The following VIPR2 variants were observed in gnomAD, a reference collection of about 807,000 sequenced individuals.
The protein encoded by VIPR2 is vasoactive intestinal polypeptide receptor 2.
Under a neutral mutation model 58.0 loss-of-function variants are expected in VIPR2, and 48 were observed. The ratio of observed to expected loss-of-function variants is 0.83; its 90% CI spans 0.66 to 1.05. The LOEUF (loss-of-function observed/expected upper bound fraction) is 1.05, where lower values mean the gene tolerates loss of function less well. VIPR2 is among the 50% of genes least tolerant of loss of function. The probability of loss-of-function intolerance (pLI) is 0.00; values close to 1 mark genes in which losing one functional copy is unlikely to be tolerated. For missense variants in VIPR2, 534 were observed against 558.0 expected, an observed-to-expected ratio of 0.96 and a Z score of 0.43; for synonymous variants, 243 against 235.2, an observed-to-expected ratio of 1.03 and a Z score of -0.30.
chr7:159,043,223 G>C (rs1378639843), intron 5 of VIPR2, 47 bp from the exon 6 acceptor site: 1 of 1,498,798 alleles, frequency 6.7e-7, no homozygotes, highest in South Asian at 1.2e-5. Flanking sequence ...GGGAAGGGGA[G>C]GGAGGGAGAG....
At chr7:159,112,841 G>A (rs368419008) in intron 2 of VIPR2, among the ~76,000 whole-genome samples, 17 of 148,882 alleles carry the variant, frequency 1.1e-4, no homozygotes, top group African/African-American at 4.4e-4. Context: ...CGCCTACCTG[G>A]GACCGACCCT....
At chr7:159,053,872 A>G (rs1171223166) in intron 5 of VIPR2, among the ~76,000 whole-genome samples, 1 of 152,262 alleles carries the variant, frequency 6.6e-6, no homozygotes, top group African/African-American at 2.4e-5. Context: ...GGCAATTGAC[A>G]TTAAAAGTTT....
rs535840731 is a variant in VIPR2 at position 159,045,057 on chromosome 7, C to G, written c.456-1881G>C. On this transcript the variant is annotated intron_variant, in intron 5 of 12. Coordinates refer to ENST00000262178, the MANE Select transcript of VIPR2 (RefSeq NM_003382.5). ...AAGTGCTGGGATTACAGGTGTGAGC[C>G]ACCGCACCTGGCCTAGGTTTGAGCA... Among the ~76,000 whole-genome samples the G allele has an allele frequency of 3.3e-5, 5 of 152,294 alleles. No individual in the cohort carries two copies. In the East Asian group the frequency reaches 5.8e-4, roughly 18 times the overall value.
intron 3 of VIPR2, among the ~76,000 whole-genome samples, chr7:159,105,686 AGGGTCTGGGG>A (rs1270353589): frequency 4.6e-5 from 7 of 151,790 alleles, no homozygotes; most frequent in Non-Finnish European, 5.9e-5. Context: ...GAGCCCCAGC[AGGGTCTGGGG>A]GCCTCTTAGC....
chr7:159,139,510 A>T (rs1457244318), intron 2 of VIPR2, among the ~76,000 whole-genome samples: 1 of 152,218 alleles, frequency 6.6e-6, no homozygotes, highest in South Asian at 2.1e-4. Flanking sequence ...GTTAGCCTGC[A>T]AGTGGGGAAT....
At chr7:159,048,924 A>AG (rs1854812020) in intron 5 of VIPR2, among the ~76,000 whole-genome samples, 1 of 152,152 alleles carries the variant, frequency 6.6e-6, no homozygotes, top group South Asian at 2.1e-4. Flanking sequence ...CACTTGTTCA[A>AG]GGCATGGAGG....
intron 2 of VIPR2, among the ~76,000 whole-genome samples, chr7:159,141,485 T>C (rs1402507426): frequency 6.6e-6 from 1 of 152,268 alleles, no homozygotes; most frequent in Non-Finnish European, 1.5e-5. Context: ...CTGTGGCTAC[T>C]GGACCTTGAA....
In VIPR2 at chr7:159,034,433, G is replaced by GT. The variant is rs1370901897; in HGVS notation, c.880-130_880-129insA. The GT allele has an allele frequency of 3.2e-6, 4 of 1,266,866 alleles. No homozygotes were observed. The African/African-American group carries it at 5.9e-5, about 19-fold the overall frequency. The allele number at this position is 1,266,866 out of a possible 1,614,324, so 78.5% of individuals were successfully genotyped here. ...TCCTTCCCTGGGAACTGCCTCTGGGGGTCCACATGCCTGAAGAGGTCCTTT... is the reference window on the plus strand; with the variant it reads ...TCCTTCCCTGGGAACTGCCTCTGGGGTGTCCACATGCCTGAAGAGGTCCTTT... On this transcript the variant is annotated intron_variant, in intron 9 of 12. Transcript: ENST00000262178.
At chr7:159,084,744 G>A (rs1857086000) in intron 4 of VIPR2, among the ~76,000 whole-genome samples, 1 of 152,212 alleles carries the variant, frequency 6.6e-6, no homozygotes, top group Admixed American at 6.5e-5. Flanking sequence ...GTACAGGGAG[G>A]ATTTCGGGGC....
rs566564823 is a variant in VIPR2 at position 159,120,248 on chromosome 7, T to C, written c.152-10329A>G. On this transcript the variant is annotated intron_variant, in intron 2 of 12. Coordinates refer to ENST00000262178, the MANE Select transcript of VIPR2 (RefSeq NM_003382.5). ...CACTGTATTTGTCATTCTCCTCACC[T>C]GTCTCTTAAATAAGGAGCAGCCTTC... 4.1e-4 allele frequency among the ~76,000 whole-genome samples: 63 copies of C among 152,350 alleles called. 1 individual carries two copies. Among genetic ancestry groups the C allele is most frequent in the South Asian group, 3.1e-3 (15 of 4,832 alleles).
chr7:159,130,783 C>A (rs1376325499), intron 2 of VIPR2, among the ~76,000 whole-genome samples: 1 of 152,162 alleles, frequency 6.6e-6, no homozygotes, highest in African/African-American at 2.4e-5. Context: ...CAGGAAGAAC[C>A]CATCAGGTGG....
rs1857980379 is a variant in VIPR2 at position 159,098,183 on chromosome 7, G to C, written c.357+5574C>G. ...CCATCCATCAGCACAGAAGAGTTGT[G>C]ATGGGATGAAGGGCAGGGCAGGGCA... On this transcript the variant is annotated intron_variant, in intron 4 of 12. Coordinates refer to ENST00000262178, the MANE Select transcript of VIPR2 (RefSeq NM_003382.5). The surrounding 1 kb of genome is among the most constrained non-coding windows in gnomAD (Gnocchi z 5.2). Among the ~76,000 whole-genome samples the C allele has an allele frequency of 6.6e-6, 1 of 152,220 alleles. No homozygotes were observed. Among genetic ancestry groups the C allele is most frequent in the African/African-American group, 2.4e-5 (1 of 41,456 alleles).
At chr7:159,109,745 T>G in intron 3 of VIPR2, 67 bp downstream of exon 3, 1 of 1,440,574 alleles carries the variant, frequency 6.9e-7, no homozygotes, top group Non-Finnish European at 9.8e-7. Context: ...GCTTCTTGGA[T>G]GGAAAAAATG....
rs568908306 is a variant in VIPR2 at position 159,096,852 on chromosome 7, G to T, written c.357+6905C>A. On this transcript the variant is annotated intron_variant, in intron 4 of 12. Transcript: ENST00000262178. This position sits in a 1 kb window ranked among gnomAD's most constrained non-coding sequence, Gnocchi z 5.5. Reference sequence around the variant, plus strand: ...CGGCCCACCTCGGGATGCTTCCGCCGTACTGTGTCCATGGCTGAGACCACC... The same window carrying T: ...CGGCCCACCTCGGGATGCTTCCGCCTTACTGTGTCCATGGCTGAGACCACC... 6.5e-7 allele frequency: 1 copy of T among 1,531,168 alleles called. No homozygotes were observed. The highest frequency in any genetic ancestry group is 2.5e-5 in the East Asian group (1 of 40,520). 94.8% of individuals were successfully genotyped at this position (1,531,168 alleles called of 1,614,324 possible). A position where few individuals can be genotyped will look rare whatever the true frequency, so the allele number is the denominator to read the frequency against.
chr7:159,036,488 C>G (rs1008004456), intron 7 of VIPR2, among the ~76,000 whole-genome samples: 3 of 152,060 alleles, frequency 2.0e-5, no homozygotes, highest in Admixed American at 1.3e-4. Context: ...AGGAGGAAAC[C>G]GTTTTGTTAC....
chr7:159,129,968 C>G lies in VIPR2; in HGVS notation c.151+12478G>C, dbSNP rs436631. On this transcript the variant is annotated intron_variant, in intron 2 of 12. Coordinates refer to ENST00000262178, the MANE Select transcript of VIPR2 (RefSeq NM_003382.5). The stretch of plus-strand genomic sequence containing the variant: ...TCTGTTCCCTCAAACTGGCCTCTGG[C>G]GGGGACAGGGCCAGGTGACCAGTTT... Among the ~76,000 whole-genome samples, 133 of 70,646 alleles carry G rather than the reference C, an allele frequency of 1.9e-3. 9 individuals are homozygous for G. Among genetic ancestry groups the G allele is most frequent in the Middle Eastern group, 7.8e-3 (1 of 128 alleles). 46.3% of individuals were successfully genotyped at this position (70,646 alleles called of 152,430 possible). A position where few individuals can be genotyped will look rare whatever the true frequency, so the allele number is the denominator to read the frequency against.
At position 159,117,900 on chromosome 7, in the gene VIPR2, T is replaced by C. The variant is rs140668016; in HGVS notation, c.152-7981A>G. Among the ~76,000 whole-genome samples, 138 of 152,310 alleles carry C rather than the reference T, an allele frequency of 9.1e-4. 1 individual carries two copies. Among genetic ancestry groups the C allele is most frequent in the Middle Eastern group, 3.4e-3 (1 of 294 alleles). ...AAGCAAAGCCTCCTGAGACTGGCCATCGGCTCGGATGACAGCTTGCCTCCA... is the reference window on the plus strand; with the variant it reads ...AAGCAAAGCCTCCTGAGACTGGCCACCGGCTCGGATGACAGCTTGCCTCCA... On this transcript the variant is annotated intron_variant, in intron 2 of 12. Coordinates refer to ENST00000262178, the MANE Select transcript of VIPR2 (RefSeq NM_003382.5).
At chr7:159,139,159 C>T (rs79254483) in intron 2 of VIPR2, among the ~76,000 whole-genome samples, 7,626 of 152,228 alleles carry the variant, frequency 0.05, 381 homozygotes, top group African/African-American at 0.13. Flanking sequence ...TGACATAAGT[C>T]ATCCTTCTTT....
chr7:159,107,329 C>T (rs1397712097), intron 3 of VIPR2, among the ~76,000 whole-genome samples: 3 of 152,184 alleles, frequency 2.0e-5, no homozygotes, highest in African/African-American at 4.8e-5. Context: ...ACACAGCTGT[C>T]GGAGCTGCCT....
Sources: allele counts gnomAD v4.1 joint callset (sites outside exome capture counted in the v4.1 genomes callset), GRCh38; gene constraint gnomAD v4.1.1; non-coding constraint Gnocchi (gnomAD v3.1); transcripts MANE v1.5; gene names NCBI Gene and HGNC (gene_info 2026-07-23, HGNC 2026-07-21).